Variants in ACSS3 observed in about 807,000 individuals in gnomAD.
ACSS3 encodes acyl-CoA synthetase short-chain family member 3, mitochondrial.
In ACSS3, 64 loss-of-function variants were observed where a neutral mutation model predicts 84.2. That is an observed-to-expected ratio of 0.76 (90% CI 0.62 to 0.94). The LOEUF (loss-of-function observed/expected upper bound fraction) is 0.94. ACSS3 is among the 40% of genes least tolerant of loss of function. The pLI, the probability that ACSS3 is intolerant of heterozygous loss-of-function variation, is 0.00. For synonymous variants in ACSS3, 317 were observed against 310.1 expected, an observed-to-expected ratio of 1.02 and a Z score of -0.23; for missense variants, 815 against 867.6, an observed-to-expected ratio of 0.94 and a Z score of 0.76.
intron 8 of ACSS3, among the ~76,000 whole-genome samples, chr12:81,198,271 T>C (rs1240382935): frequency 6.6e-6 from 1 of 152,092 alleles, no homozygotes; most frequent in Non-Finnish European, 1.5e-5. Context: ...AAGATACATG[T>C]TCCTAAAGAG....
intron 2 of ACSS3, among the ~76,000 whole-genome samples, chr12:81,123,647 T>A (rs1440845743): frequency 2.0e-5 from 3 of 151,826 alleles, no homozygotes; most frequent in Non-Finnish European, 4.4e-5. Flanking sequence ...CAGTGCCCAG[T>A]GTCTATCGTT....
chr12:81,232,105 G>A (rs2033484713), intron 12 of ACSS3, among the ~76,000 whole-genome samples: 1 of 151,768 alleles, frequency 6.6e-6, no homozygotes, highest in Admixed American at 6.6e-5. Flanking sequence ...AACATCCCCT[G>A]ATAGAGTGTG....
At chr12:81,160,603 C>T (rs898743683) in intron 7 of ACSS3, among the ~76,000 whole-genome samples, 4 of 152,198 alleles carry the variant, frequency 2.6e-5, no homozygotes, top group Admixed American at 6.5e-5. Context: ...TTGACACACA[C>T]TGTCTCAATT....
Position 81,258,467 on chromosome 12 carries a change from A to G in ACSS3, c.*3545A>G, listed in dbSNP as rs2034424833. ...CAGCAGAAAATCAGCAGTTAGATAA[A>G]TGGTATTATTAAATAGGCTTTACTT... On this transcript the variant is annotated 3_prime_UTR_variant, in exon 16 of 16. Transcript: ENST00000548058. 1 of 152,066 alleles carries G rather than the reference A, an allele frequency of 6.6e-6. No individual in the cohort carries two copies. The allele number at this position is 152,066 out of a possible 1,614,324, so 9.4% of individuals were successfully genotyped here. A position where few individuals can be genotyped will look rare whatever the true frequency, so the allele number is the denominator to read the frequency against.
At chr12:81,217,514 G>A (rs962949756) in intron 10 of ACSS3, among the ~76,000 whole-genome samples, 8 of 152,112 alleles carry the variant, frequency 5.3e-5, no homozygotes, top group African/African-American at 1.4e-4. Flanking sequence ...TTTTAATTTA[G>A]GATTGAGGAC....
upstream of ACSS3, chr12:81,077,978 C>T: frequency 5.7e-6 from 6 of 1,047,030 alleles, no homozygotes; most frequent in Non-Finnish European, 7.8e-6. Flanking sequence ...TTTTTCCCGG[C>T]GACTCTAGTG....
intron 1 of ACSS3, among the ~76,000 whole-genome samples, chr12:81,095,040 T>A (rs1881941541): frequency 6.6e-6 from 1 of 152,176 alleles, no homozygotes; most frequent in Admixed American, 6.5e-5. Context: ...TTCCAACAAA[T>A]ACTAGCTGTC....
At chr12:81,169,755 A>G (rs531833638) in intron 7 of ACSS3, among the ~76,000 whole-genome samples, 1 of 152,126 alleles carries the variant, frequency 6.6e-6, no homozygotes, top group Non-Finnish European at 1.5e-5. Context: ...TGTCCCAAGC[A>G]CTCATCCCTT....
At chr12:81,124,140 T>C (rs1448982147) in intron 2 of ACSS3, among the ~76,000 whole-genome samples, 1 of 152,162 alleles carries the variant, frequency 6.6e-6, no homozygotes, top group African/African-American at 2.4e-5. Flanking sequence ...TCCACAGCCT[T>C]GCCAGCCCCT....
chr12:81,120,962 T>G (rs1010321639), intron 2 of ACSS3, among the ~76,000 whole-genome samples: 1 of 152,234 alleles, frequency 6.6e-6, no homozygotes, highest in Non-Finnish European at 1.5e-5. Context: ...TGATCTATGT[T>G]TGTTTTGTTT....
intron 5 of ACSS3, among the ~76,000 whole-genome samples, chr12:81,151,293 T>C (rs2135753207): frequency 6.6e-6 from 1 of 152,250 alleles, no homozygotes; most frequent in African/African-American, 2.4e-5. Flanking sequence ...CCCTAAGAGT[T>C]CTAGAGTTCA....
chr12:81,153,863 T>TA (rs1320042404), intron 7 of ACSS3, among the ~76,000 whole-genome samples: 14 of 152,246 alleles, frequency 9.2e-5, no homozygotes, highest in Non-Finnish European at 1.2e-4. Context: ...AGCTGGCTGA[T>TA]TTTCTGTCTC....
At chr12:81,226,320 T>C (rs1363860151) in intron 11 of ACSS3, among the ~76,000 whole-genome samples, 1 of 151,818 alleles carries the variant, frequency 6.6e-6, no homozygotes, top group Non-Finnish European at 1.5e-5. Context: ...TTCTTTTTTT[T>C]TCCTCAGTGG....
At chr12:81,146,037 T>G (rs1886324125) in intron 5 of ACSS3, among the ~76,000 whole-genome samples, 2 of 152,246 alleles carry the variant, frequency 1.3e-5, no homozygotes, top group African/African-American at 4.8e-5. Context: ...GGCACTTATT[T>G]TAACCTATCT....
chr12:81,196,169 T>C (rs576544276), intron 8 of ACSS3, among the ~76,000 whole-genome samples: 24 of 152,258 alleles, frequency 1.6e-4, no homozygotes, highest in Non-Finnish European at 2.4e-4. Context: ...GAGTATGTAA[T>C]ATTAAATTAA....
intron 13 of ACSS3, among the ~76,000 whole-genome samples, chr12:81,250,502 AT>A (rs2136013379): frequency 6.6e-6 from 1 of 152,208 alleles, no homozygotes; most frequent in East Asian, 1.9e-4. Flanking sequence ...TAGAAAAACA[AT>A]CAACATTTTC....
chr12:81,171,523 CT>C (rs2030043214), intron 7 of ACSS3, among the ~76,000 whole-genome samples: 1 of 151,984 alleles, frequency 6.6e-6, no homozygotes, highest in African/African-American at 2.4e-5. Flanking sequence ...AGCAATTGAA[CT>C]TTTTCTATGT....
intron 1 of ACSS3, among the ~76,000 whole-genome samples, chr12:81,083,650 G>A (rs536806529): frequency 2.6e-5 from 4 of 151,416 alleles, no homozygotes; most frequent in East Asian, 2.0e-4. Context: ...ATGAGCCACC[G>A]TGCCTGGCCC....
intron 8 of ACSS3, among the ~76,000 whole-genome samples, chr12:81,179,752 C>A (rs2030790276): frequency 9.0e-6 from 1 of 110,732 alleles, no homozygotes; most frequent in African/African-American, 3.2e-5. Context: ...GCACTCCAGC[C>A]TGGGTGACAG....
Sources: allele counts gnomAD v4.1 joint callset (sites outside exome capture counted in the v4.1 genomes callset), GRCh38; gene constraint gnomAD v4.1.1; transcripts MANE v1.5; gene names NCBI Gene and HGNC (gene_info 2026-07-23, HGNC 2026-07-21).